EPS15: variants seen among roughly 807,000 people sequenced by gnomAD.
EPS15 encodes epidermal growth factor receptor pathway substrate 15, also known as epidermal growth factor receptor substrate 15.
In EPS15, 72 loss-of-function variants were observed where a neutral mutation model predicts 113.8. The observed-to-expected ratio is 0.63, with a 90% CI of 0.52 to 0.77. The LOEUF is 0.77. Ranked by LOEUF, EPS15 falls within the 30% of genes least tolerant of loss-of-function variation. The pLI, the probability that EPS15 is intolerant of heterozygous loss-of-function variation, is 0.00. For missense variants in EPS15, 1,048 were observed against 1,045.8 expected (o/e 1.00, Z -0.03); for synonymous variants, 344 against 363.4 (o/e 0.95, Z 0.61).
intron 12 of EPS15, among the ~76,000 whole-genome samples, chr1:51,432,390 A>C (rs570074321): frequency 3.8e-4 from 57 of 151,948 alleles, no homozygotes; most frequent in African/African-American, 1.2e-3. Context: ...GGGTGATCTC[A>C]ACTCCTGGCC....
At position 51,461,146 on chromosome 1, in the gene EPS15, CA is replaced by C. The variant is rs753586649; in HGVS notation, c.505del (p.Trp169GlyfsTer3). The C allele has an allele frequency of 6.3e-7, 1 of 1,596,372 alleles. No homozygotes were observed. The highest frequency in any genetic ancestry group is 8.6e-7 in the Non-Finnish European group (1 of 1,164,096). The part of the protein sequence containing the change: ...KLPVDILGRV[W>X]ELSDIDHDGM... ...ATCATGGTCAATATCACTCAACTCC[CA>C]AACCTTAAAAAGAGAATAATTGAAA... On this transcript the variant is annotated frameshift_variant, in exon 8 of 25. Coordinates refer to ENST00000371733, the MANE Select transcript of EPS15 (RefSeq NM_001981.3). LOFTEE classifies it high-confidence loss of function.
chr1:51,356,998 G>A, intron 24 of EPS15, 152 bp from the exon 25 acceptor site: 1 of 608,248 alleles, frequency 1.6e-6, no homozygotes, highest in Non-Finnish European at 2.8e-6. Flanking sequence ...CTGAAAACAT[G>A]TTTAATATTA....
chr1:51,518,283 GGACTGGACTTT>G (rs546144764), intron 1 of EPS15: 64 of 152,590 alleles, frequency 4.2e-4, no homozygotes, highest in African/African-American at 1.5e-3. Context: ...AGAAGCACAA[GGACTGGACTTT>G]GACAGGAAGC....
At chr1:51,404,035 G>A (rs1648847264) in intron 16 of EPS15, among the ~76,000 whole-genome samples, 2 of 152,148 alleles carry the variant, frequency 1.3e-5, no homozygotes, top group Non-Finnish European at 2.9e-5. Context: ...TTAGACGAGT[G>A]GGTGAAAGAC....
intron 2 of EPS15, among the ~76,000 whole-genome samples, chr1:51,474,492 TC>T (rs1322996195): frequency 6.6e-6 from 1 of 152,168 alleles, no homozygotes; most frequent in Non-Finnish European, 1.5e-5. Flanking sequence ...AATCCGAGAT[TC>T]AGCTGAACAA....
chr1:51,458,599 TG>T (rs1414075491), intron 8 of EPS15: 1 of 433,816 alleles, frequency 2.3e-6, no homozygotes, highest in Admixed American at 2.4e-5. Context: ...TAGCCGGGGG[TG>T]GTGGTGCATG....
At position 51,365,877 on chromosome 1, in the gene EPS15, A is replaced by G. The variant is rs878999368; in HGVS notation, c.2196+76T>C. 3.3e-5 allele frequency: 31 copies of G among 948,596 alleles called. No individual in the cohort carries two copies. The South Asian group carries it at 4.6e-4, about 14-fold the overall frequency. The allele number at this position is 948,596 out of a possible 1,614,324, so 58.8% of individuals were successfully genotyped here. A position where few individuals can be genotyped will look rare whatever the true frequency, so the allele number is the denominator to read the frequency against. ...CAAGTTGCAACTTTGTGAGAGGACT[A>G]TATAATTGAAAGGAGGATTGTTCTT... On this transcript the variant is annotated intron_variant, in intron 22 of 24. Transcript: ENST00000371733.
In EPS15 at chr1:51,365,998, A is replaced by T; in HGVS notation, c.2151T>A (p.Asn717Lys). Residue 717 changes from asparagine to lysine, a missense_variant, in exon 22 of 25, where the codon AAT becomes AAA. Asn to Lys is a moderately conservative substitution (Grantham distance 94, BLOSUM62 0). Coordinates refer to ENST00000371733, the MANE Select transcript of EPS15 (RefSeq NM_001981.3). ...CAGCAAATCCACCTCCAAATGATTC[A>T]TTCCCAAAAACAGAAGCAAAGGGGT... ...ATDPFASVFG[N>K]ESFGGGFADF... 1 of 1,613,396 alleles carries T rather than the reference A, an allele frequency of 6.2e-7. No individual in the cohort carries two copies. The highest frequency in any genetic ancestry group is 8.5e-7 in the Non-Finnish European group (1 of 1,179,560).
At chr1:51,508,266 G>GAA (rs56982568) in intron 1 of EPS15, among the ~76,000 whole-genome samples, 18 of 129,100 alleles carry the variant, frequency 1.4e-4, no homozygotes, top group African/African-American at 4.9e-4. Flanking sequence ...GAGAGAGAGA[G>GAA]AGAGAGAAAG....
chr1:51,366,076 T>C, intron 21 of EPS15, 47 bp from the exon 22 acceptor site: 3 of 1,421,790 alleles, frequency 2.1e-6, no homozygotes, highest in Non-Finnish European at 2.9e-6. Context: ...TAAGACATTT[T>C]TTTTTTTTGA....
intron 1 of EPS15, among the ~76,000 whole-genome samples, chr1:51,500,641 AAGTAGCTGC>A (rs1312597567): frequency 2.0e-5 from 3 of 151,998 alleles, no homozygotes; most frequent in Non-Finnish European, 4.4e-5. Flanking sequence ...TCAGCCTCCC[AAGTAGCTGC>A]ACCTAAAGGT....
At chr1:51,372,902 GC>G in intron 21 of EPS15, 1 of 785,764 alleles carries the variant, frequency 1.3e-6, no homozygotes, top group Non-Finnish European at 1.9e-6. Context: ...GGAAAAAACA[GC>G]CACAGGCAAG....
chr1:51,436,991 T>C (rs931542565), intron 12 of EPS15, among the ~76,000 whole-genome samples: 6 of 152,218 alleles, frequency 3.9e-5, no homozygotes, highest in Non-Finnish European at 5.9e-5. Flanking sequence ...CAACTACCTG[T>C]ATTGCTTTTC....
At chr1:51,486,577 T>C (rs1644127464) in intron 1 of EPS15, among the ~76,000 whole-genome samples, 2 of 152,022 alleles carry the variant, frequency 1.3e-5, no homozygotes, top group South Asian at 4.1e-4. Context: ...GGAGATCCTG[T>C]CTCTATAAAA....
intron 1 of EPS15, among the ~76,000 whole-genome samples, chr1:51,510,014 G>C (rs1288239974): frequency 6.6e-6 from 1 of 152,176 alleles, no homozygotes; most frequent in Non-Finnish European, 1.5e-5. Context: ...CTTCACCTCT[G>C]TGTCCCAGTT....
chr1:51,480,900 C>T (rs995169534), intron 2 of EPS15, among the ~76,000 whole-genome samples: 14 of 152,098 alleles, frequency 9.2e-5, no homozygotes, highest in African/African-American at 3.4e-4. Context: ...GATACATGCT[C>T]ATTATGTATT....
chr1:51,366,091 G>A, intron 21 of EPS15, 62 bp from the exon 22 acceptor site: 2 of 1,153,968 alleles, frequency 1.7e-6, no homozygotes, highest in East Asian at 2.4e-5. Context: ...TTTTGAGACA[G>A]AGTCTCACTC....
chr1:51,378,387 C>T (rs373779527), intron 21 of EPS15, among the ~76,000 whole-genome samples: 5 of 151,936 alleles, frequency 3.3e-5, no homozygotes, highest in South Asian at 2.1e-4. Context: ...CCAGGTGCAG[C>T]GGCTCACACC....
intron 21 of EPS15, among the ~76,000 whole-genome samples, chr1:51,368,889 C>G (rs1646574484): frequency 6.6e-6 from 1 of 152,174 alleles, no homozygotes; most frequent in South Asian, 2.1e-4. Flanking sequence ...AGGCCACGTG[C>G]CCGGCTCCTG....
Sources: allele counts gnomAD v4.1 joint callset (sites outside exome capture counted in the v4.1 genomes callset), GRCh38; gene constraint gnomAD v4.1.1; transcripts MANE v1.5; gene names NCBI Gene and HGNC (gene_info 2026-07-23, HGNC 2026-07-21).